Variants in DIPK2B observed in about 807,000 individuals in gnomAD.
The protein encoded by DIPK2B is divergent protein kinase domain 2B, also known as UPF0672 protein CXorf36.
Under a neutral mutation model 22.2 loss-of-function variants are expected in DIPK2B, and 15 were observed. That is an observed-to-expected ratio of 0.68 (90% CI 0.45 to 1.04). The LOEUF (loss-of-function observed/expected upper bound fraction) is 1.04, where lower values mean the gene tolerates loss of function less well. DIPK2B is among the 50% of genes least tolerant of loss of function. The pLI is 0.00. For synonymous variants in DIPK2B, 163 were observed against 153.2 expected, an observed-to-expected ratio of 1.06 and a Z score of -0.47; for missense variants, 345 against 348.3, an observed-to-expected ratio of 0.99 and a Z score of 0.08.
At chrX:45,189,851 T>A (rs1375902350) in intron 2 of DIPK2B, among the ~76,000 whole-genome samples, 1 of 111,643 alleles carries the variant, frequency 9.0e-6, no homozygotes, top group Non-Finnish European at 1.9e-5. Flanking sequence ...TGCTAATATT[T>A]CCTTTTTTAT....
At chrX:45,157,955 G>C (rs1254152762) in intron 2 of DIPK2B, 67 bp from the exon 3 acceptor site, 2 of 723,209 alleles carry the variant, frequency 2.8e-6, no homozygotes, top group African/African-American at 2.6e-5. Context: ...TGGGGGGTTA[G>C]CAGGAGGGGG....
chrX:45,181,890 T>C (rs960389392), intron 2 of DIPK2B, among the ~76,000 whole-genome samples: 2 of 111,105 alleles, frequency 1.8e-5, no homozygotes, highest in African/African-American at 6.6e-5. Context: ...TATGGCAGCC[T>C]GGACAATACA....
chrX:45,197,921 T>TA (rs2047248610), intron 1 of DIPK2B, among the ~76,000 whole-genome samples: 1 of 111,834 alleles, frequency 8.9e-6, no homozygotes, highest in African/African-American at 3.3e-5. Flanking sequence ...AAAAATGAAA[T>TA]AAAAAAACTC....
intron 1 of DIPK2B, among the ~76,000 whole-genome samples, chrX:45,195,023 A>G (rs1030418780): frequency 5.3e-5 from 6 of 112,722 alleles, no homozygotes; most frequent in Non-Finnish European, 9.4e-5. Context: ...GAGGCATTCC[A>G]TAAGGACTAA....
intron 3 of DIPK2B, among the ~76,000 whole-genome samples, 188 bp from the exon 4 acceptor site, chrX:45,154,386 A>G (rs1388267022): frequency 1.8e-5 from 2 of 110,145 alleles, no homozygotes; most frequent in African/African-American, 6.6e-5. Context: ...CTATCTACCT[A>G]TATCTATCTA....
intron 2 of DIPK2B, chrX:45,162,334 G>A (rs1301376007): frequency 2.8e-6 from 2 of 720,265 alleles, no homozygotes; most frequent in African/African-American, 2.3e-5. Flanking sequence ...GTGTTGAAAT[G>A]GTTTAATACA....
intron 2 of DIPK2B, among the ~76,000 whole-genome samples, chrX:45,186,981 TG>T (rs762618503): frequency 1.9e-4 from 22 of 113,091 alleles, no homozygotes; most frequent in African/African-American, 6.7e-4. Context: ...GTTAATTTGC[TG>T]ATTTCCCTTA....
At chrX:45,192,262 C>T (rs765379452) in intron 1 of DIPK2B, among the ~76,000 whole-genome samples, 2 of 111,976 alleles carry the variant, frequency 1.8e-5, no homozygotes, top group South Asian at 3.7e-4. Flanking sequence ...ACAACTGGCA[C>T]AGAAAGACTA....
At chrX:45,180,217 A>T (rs1243121235) in intron 2 of DIPK2B, among the ~76,000 whole-genome samples, 2 of 112,088 alleles carry the variant, frequency 1.8e-5, no homozygotes. Context: ...ACAACAAATC[A>T]TTTGGTTTGT....
chrX:45,192,058 A>C, intron 1 of DIPK2B, 43 bp from the exon 2 acceptor site: 1 of 1,136,986 alleles, frequency 8.8e-7, no homozygotes, highest in Non-Finnish European at 1.2e-6. Flanking sequence ...TGTGAGCTGG[A>C]GGCTCACAGA....
rs757375184 is a variant in DIPK2B at position 45,155,961 on chromosome X, C to CTTTTTTTTTTTTTTTTTTTTT, written c.672+1733_672+1753dup. On this transcript the variant is annotated intron_variant, in intron 3 of 4. Transcript: ENST00000398000. ...AGTTTCCCCTGCCTAAAGGGGACCTCTTTTTTTTTTTTTTTTTTTTTTTTA... is the reference window on the plus strand; with the variant it reads ...AGTTTCCCCTGCCTAAAGGGGACCTCTTTTTTTTTTTTTTTTTTTTTTTTTTTTTTTTTTTTTTTTTTTTTA... 2.9e-4 allele frequency among the ~76,000 whole-genome samples: 16 copies of CTTTTTTTTTTTTTTTTTTTTT among 55,259 alleles called. 1 individual carries two copies. Among genetic ancestry groups the CTTTTTTTTTTTTTTTTTTTTT allele is most frequent in the African/African-American group, 1.2e-3 (16 of 13,762 alleles). The allele number at this position is 55,259 out of a possible 115,157, so 48.0% of individuals were successfully genotyped here. A position where few individuals can be genotyped will look rare whatever the true frequency, so the allele number is the denominator to read the frequency against.
chrX:45,169,969 C>T (rs986174303), intron 2 of DIPK2B, among the ~76,000 whole-genome samples: 1 of 110,360 alleles, frequency 9.1e-6, no homozygotes, highest in Non-Finnish European at 1.9e-5. Context: ...GGGAGGCCGG[C>T]GCGGTGGCTC....
At chrX:45,192,155 A>T (rs1028172395) in intron 1 of DIPK2B, 140 bp from the exon 2 acceptor site, 1 of 636,424 alleles carries the variant, frequency 1.6e-6, no homozygotes. Context: ...TTTCTGTGAG[A>T]GGACTATTTT....
At chrX:45,177,864 T>C (rs1489442374) in intron 2 of DIPK2B, among the ~76,000 whole-genome samples, 1 of 111,543 alleles carries the variant, frequency 9.0e-6, no homozygotes, top group African/African-American at 3.3e-5. Flanking sequence ...AAGGGTCACC[T>C]TTAAGTTATG....
intron 2 of DIPK2B, chrX:45,163,028 G>A: frequency 1.6e-6 from 1 of 616,045 alleles, no homozygotes; most frequent in African/African-American, 2.4e-5. Flanking sequence ...GTATTCCCCA[G>A]TTATTCAATT....
intron 2 of DIPK2B, among the ~76,000 whole-genome samples, chrX:45,158,203 G>T (rs968183938): frequency 9.1e-6 from 1 of 110,106 alleles, no homozygotes; most frequent in Admixed American, 9.5e-5. Flanking sequence ...GGGCCACAGA[G>T]ACCCCGGGAA....
At chrX:45,167,994 T>C (rs1305658818) in intron 2 of DIPK2B, among the ~76,000 whole-genome samples, 1 of 112,642 alleles carries the variant, frequency 8.9e-6, no homozygotes, top group Non-Finnish European at 1.9e-5. Context: ...CCAGAGTGAT[T>C]ATTTTTGAGA....
At chrX:45,167,137 T>C (rs1346057605) in intron 2 of DIPK2B, among the ~76,000 whole-genome samples, 2 of 112,362 alleles carry the variant, frequency 1.8e-5, no homozygotes, top group African/African-American at 3.2e-5. Context: ...TTACTGAACA[T>C]TTCTCCAAGC....
intron 1 of DIPK2B, among the ~76,000 whole-genome samples, chrX:45,200,263 T>C (rs2047260310): frequency 1.8e-5 from 2 of 111,603 alleles, no homozygotes; most frequent in African/African-American, 3.3e-5. Context: ...AGGTGTCACA[T>C]TGTAGGCTTT....
Sources: gnomAD v4.1 joint callset for allele counts (sites outside exome capture counted in the v4.1 genomes callset) on GRCh38, gnomAD v4.1.1 for gene constraint, MANE v1.5 for transcripts, NCBI Gene and HGNC (gene_info 2026-07-23, HGNC 2026-07-21) for gene names.